Variants in NDRG3 observed in about 807,000 individuals in gnomAD.
NDRG3 encodes the protein protein NDRG3.
Under a neutral mutation model 57.2 loss-of-function variants are expected in NDRG3, and 23 were observed. The ratio of observed to expected loss-of-function variants is 0.40; its 90% CI spans 0.29 to 0.57. The LOEUF is 0.57. NDRG3 is among the 20% of genes least tolerant of loss of function. NDRG3 has a pLI of 0.42. For missense variants in NDRG3, 384 were observed against 457.3 expected (o/e 0.84, Z 1.46); for synonymous variants, 132 against 162.6 (o/e 0.81, Z 1.43).
intron 3 of NDRG3, among the ~76,000 whole-genome samples, chr20:36,706,350 AC>A (rs1331875265): frequency 6.6e-6 from 1 of 152,140 alleles, no homozygotes; most frequent in Non-Finnish European, 1.5e-5. Context: ...TAAGGTAGCA[AC>A]CCTCCATTTG....
chr20:36,705,743 CTTAT>C (rs1236179539), intron 3 of NDRG3, among the ~76,000 whole-genome samples: 3 of 151,944 alleles, frequency 2.0e-5, no homozygotes, highest in African/African-American at 2.4e-5. Flanking sequence ...TTTTCTTTTT[CTTAT>C]TTATTTATTA....
intron 1 of NDRG3, among the ~76,000 whole-genome samples, chr20:36,745,257 T>A (rs1016191295): frequency 6.6e-6 from 1 of 152,216 alleles, no homozygotes; most frequent in Non-Finnish European, 1.5e-5. Flanking sequence ...TTAGCTCTTA[T>A]ATTAATAACA....
chr20:36,704,709 A>G (rs1983442036), intron 3 of NDRG3, among the ~76,000 whole-genome samples: 1 of 152,226 alleles, frequency 6.6e-6, no homozygotes. Flanking sequence ...ACAGTGAATG[A>G]CTGTATCAGC....
At chr20:36,717,552 G>A (rs185875796) in intron 2 of NDRG3, among the ~76,000 whole-genome samples, 4 of 152,328 alleles carry the variant, frequency 2.6e-5, no homozygotes, top group Admixed American at 2.6e-4. Context: ...TTTGGTTTCT[G>A]TCTGGCTTTG....
rs1227773960 is a variant in NDRG3 at position 36,693,139 on chromosome 20, TATACAC to T, written c.94-4361_94-4356del. ...ATATATATATATATATATATATATA[TATACAC>T]ACACACACATATACACATATATATA... On this transcript the variant is annotated intron_variant, in intron 3 of 15. Coordinates refer to ENST00000349004, the MANE Select transcript of NDRG3 (RefSeq NM_032013.4). Among the ~76,000 whole-genome samples, 10 of 46,994 alleles carry T rather than the reference TATACAC, an allele frequency of 2.1e-4. No homozygotes were observed. The South Asian group carries it at 5.1e-3, about 24-fold the overall frequency. The allele number at this position is 46,994 out of a possible 152,430, so 30.8% of individuals were successfully genotyped here. A position where few individuals can be genotyped will look rare whatever the true frequency, so the allele number is the denominator to read the frequency against.
At position 36,687,578 on chromosome 20, in the gene NDRG3, C is replaced by G. The variant is rs745954106; in HGVS notation, c.234G>C (p.Glu78Asp). 9 of 1,613,850 alleles carry G rather than the reference C, an allele frequency of 5.6e-6. No homozygotes were observed. The African/African-American group carries it at 1.1e-4, about 19-fold the overall frequency. ...AGTGCTGGGTGATCTCTTGCATATC[C>G]TCAAAGTTAAAGAATGCATTGAAAC... The part of the protein sequence containing the change: ...KSCFNAFFNF[E>D]DMQEITQHFA... The change falls in exon 5 of 16, where the codon GAG (glutamate) becomes GAC (aspartate). Residue 78 changes from glutamate to aspartate, a missense_variant. Coordinates refer to ENST00000349004, the MANE Select transcript of NDRG3 (RefSeq NM_032013.4).
In NDRG3 at chr20:36,665,118, G is replaced by A. The variant is rs757135615; in HGVS notation, c.759-21C>T. 9 of 1,613,660 alleles carry A rather than the reference G, an allele frequency of 5.6e-6. No individual in the cohort carries two copies. In the East Asian group the frequency reaches 1.3e-4, roughly 24 times the overall value. On this transcript the variant is annotated intron_variant, in intron 11 of 15. Transcript: ENST00000349004. ...AACACCTAGGTAGGCAAAGTAAGAG[G>A]TGTCACTCAGCAAATAGGCACATAA... is the stretch of plus-strand genomic sequence containing the variant.
chr20:36,666,890 A>G (rs1278209156), intron 9 of NDRG3, among the ~76,000 whole-genome samples: 2 of 152,282 alleles, frequency 1.3e-5, no homozygotes, highest in East Asian at 3.9e-4. Context: ...AGGCTGAGCA[A>G]TGGCGCAGTC....
At chr20:36,658,479 C>T (rs1013153122) in intron 13 of NDRG3, among the ~76,000 whole-genome samples, 6 of 152,180 alleles carry the variant, frequency 3.9e-5, no homozygotes, top group Non-Finnish European at 7.3e-5. Flanking sequence ...AATGTGGTCA[C>T]CTCAGAGCAT....
intron 6 of NDRG3, among the ~76,000 whole-genome samples, chr20:36,684,079 T>C (rs1981567558): frequency 6.6e-6 from 1 of 152,178 alleles, no homozygotes; most frequent in African/African-American, 2.4e-5. Context: ...ACTGTAGCCT[T>C]GAACTGCTGT....
intron 2 of NDRG3, among the ~76,000 whole-genome samples, chr20:36,717,815 A>G (rs1244743167): frequency 6.6e-6 from 1 of 152,212 alleles, no homozygotes; most frequent in Non-Finnish European, 1.5e-5. Context: ...TTTGCCTCCC[A>G]GGGACATCTG....
In NDRG3 at chr20:36,652,180, A is replaced by T. The variant is rs1978317220; in HGVS notation, c.*1340T>A. 6.6e-6 allele frequency: 1 copy of T among 152,272 alleles called. No homozygotes were observed. The highest frequency in any genetic ancestry group is 2.1e-4 in the South Asian group (1 of 4,830). 9.4% of individuals were successfully genotyped at this position (152,272 alleles called of 1,614,324 possible). A position where few individuals can be genotyped will look rare whatever the true frequency, so the allele number is the denominator to read the frequency against. ...GTAATCCCAGCACTTTGGGAGGCTG[A>T]GGCAGGTGGATCACCTGAGGTCAGG... On this transcript the variant is annotated 3_prime_UTR_variant, in exon 16 of 16. Coordinates refer to ENST00000349004, the MANE Select transcript of NDRG3 (RefSeq NM_032013.4).
intron 7 of NDRG3, among the ~76,000 whole-genome samples, chr20:36,681,635 C>CAAA (rs1208145183): frequency 3.9e-4 from 31 of 79,500 alleles, no homozygotes; most frequent in African/African-American, 1.3e-3. Context: ...GACTTCATCT[C>CAAA]AAAAAAAAAA....
intron 9 of NDRG3, 93 bp downstream of exon 9, chr20:36,671,248 T>G: frequency 9.5e-7 from 1 of 1,055,026 alleles, no homozygotes. Flanking sequence ...TAGGATCAGG[T>G]AAATTCTAAG....
chr20:36,728,244 C>G lies in NDRG3; in HGVS notation c.-48-6461G>C, dbSNP rs957618311. 5.3e-5 allele frequency among the ~76,000 whole-genome samples: 8 copies of G among 151,994 alleles called. No homozygotes were observed. In the East Asian group the frequency reaches 1.6e-3, roughly 30 times the overall value. On this transcript the variant is annotated intron_variant, in intron 1 of 15. Transcript: ENST00000349004. ...AATTTTTTTGTATTTTTAGTAGAGACGGGGTTTCACTGTTAACCAGGATGG... is the reference window on the plus strand; with the variant it reads ...AATTTTTTTGTATTTTTAGTAGAGAGGGGGTTTCACTGTTAACCAGGATGG...
intron 1 of NDRG3, among the ~76,000 whole-genome samples, chr20:36,739,772 C>T (rs1433911089): frequency 2.0e-5 from 3 of 150,884 alleles, no homozygotes; most frequent in Non-Finnish European, 3.0e-5. Flanking sequence ...TAGCCGGGTG[C>T]GGTGGCGGGC....
intron 1 of NDRG3, among the ~76,000 whole-genome samples, 191 bp downstream of exon 1, chr20:36,745,854 G>T (rs1370251192): frequency 6.6e-6 from 1 of 150,708 alleles, no homozygotes; most frequent in African/African-American, 2.4e-5. Flanking sequence ...GGAAAGCCGG[G>T]CTGACCTGGG....
At chr20:36,660,446 G>C (rs1285462976) in intron 12 of NDRG3, 62 bp from the exon 13 acceptor site, 1 of 1,260,894 alleles carries the variant, frequency 7.9e-7, no homozygotes, top group Non-Finnish European at 1.2e-6. Context: ...AAACGAAATA[G>C]CTCGGTATGA....
chr20:36,667,589 C>T (rs1979743364), intron 9 of NDRG3, among the ~76,000 whole-genome samples: 1 of 152,216 alleles, frequency 6.6e-6, no homozygotes, highest in African/African-American at 2.4e-5. Flanking sequence ...TCAGAGCTAG[C>T]TGCCAGATTC....
Sources: allele counts gnomAD v4.1 joint callset (sites outside exome capture counted in the v4.1 genomes callset), GRCh38; gene constraint gnomAD v4.1.1; transcripts MANE v1.5; gene names NCBI Gene and HGNC (gene_info 2026-07-23, HGNC 2026-07-21).